Variants in ARB2A observed in about 807,000 individuals in gnomAD.
ARB2A encodes cotranscriptional regulator ARB2A.
chr5:93,989,229 T>C, the ARB2A span, among the ~76,000 whole-genome samples: 6 of 152,162 alleles, frequency 3.9e-5, no homozygotes, highest in Non-Finnish European at 7.4e-5. Flanking sequence ...AAACCAATTA[T>C]ATTGGAATAA....
the ARB2A span, among the ~76,000 whole-genome samples, chr5:93,937,488 T>C: frequency 4.0e-5 from 6 of 151,438 alleles, no homozygotes; most frequent in African/African-American, 1.5e-4. Flanking sequence ...GGCATGCACC[T>C]GTAGTCCCAG....
At chr5:93,872,111 G>A in the ARB2A span, among the ~76,000 whole-genome samples, 1 of 151,866 alleles carries the variant, frequency 6.6e-6, no homozygotes, top group Non-Finnish European at 1.5e-5. Flanking sequence ...ACCATGCCCG[G>A]CTATTTTTGT....
the ARB2A span, among the ~76,000 whole-genome samples, chr5:94,048,189 G>C: frequency 6.6e-6 from 1 of 150,962 alleles, no homozygotes; most frequent in East Asian, 2.0e-4. Context: ...TGAGTAGCTG[G>C]GATTACAGGG....
At chr5:93,701,822 G>T in the ARB2A span, among the ~76,000 whole-genome samples, 50 of 152,164 alleles carry the variant, frequency 3.3e-4, no homozygotes, top group African/African-American at 1.1e-3. Flanking sequence ...TATTTTACTG[G>T]CTTAAAGCAT....
chr5:93,726,161 A>G, the ARB2A span, among the ~76,000 whole-genome samples: 1 of 152,106 alleles, frequency 6.6e-6, no homozygotes, highest in South Asian at 2.1e-4. Flanking sequence ...TCTCTGTATC[A>G]GAAACCTGAG....
At chr5:93,779,128 C>CGT in the ARB2A span, among the ~76,000 whole-genome samples, 3 of 121,888 alleles carry the variant, frequency 2.5e-5, no homozygotes, top group African/African-American at 1.1e-4. Context: ...TGTGTGTGCG[C>CGT]GCGCGCGCGC....
At chr5:93,994,327 T>C in the ARB2A span, among the ~76,000 whole-genome samples, 1 of 152,158 alleles carries the variant, frequency 6.6e-6, no homozygotes, top group Non-Finnish European at 1.5e-5. Context: ...TGAAATAGTT[T>C]TCAACCTTAA....
the ARB2A span, chr5:94,053,074 T>TAGATAGAC: frequency 1.5e-6 from 1 of 667,002 alleles, no homozygotes; most frequent in Admixed American, 3.1e-5. Context: ...GCATATACTA[T>TAGATAGAC]AGATAGATAG....
the ARB2A span, among the ~76,000 whole-genome samples, chr5:94,110,538 G>A: frequency 6.6e-6 from 1 of 152,174 alleles, no homozygotes; most frequent in Admixed American, 6.5e-5. Flanking sequence ...TCTGAAAGAA[G>A]CCTGGTACCA....
At chr5:94,089,730 G>A in the ARB2A span, among the ~76,000 whole-genome samples, 2 of 151,400 alleles carry the variant, frequency 1.3e-5, no homozygotes, top group African/African-American at 4.9e-5. Flanking sequence ...AATAAAGCAA[G>A]TTTAAACGAA....
At chr5:93,989,344 T>G in the ARB2A span, among the ~76,000 whole-genome samples, 1 of 152,310 alleles carries the variant, frequency 6.6e-6, no homozygotes, top group East Asian at 1.9e-4. Flanking sequence ...AGAACATATG[T>G]GATTTCTATC....
the ARB2A span, among the ~76,000 whole-genome samples, chr5:94,009,412 G>A: frequency 6.6e-6 from 1 of 152,004 alleles, no homozygotes; most frequent in African/African-American, 2.4e-5. Context: ...AGTATAAGAA[G>A]TCTGCATAAA....
chr5:93,687,240 G>C, the ARB2A span, among the ~76,000 whole-genome samples: 13 of 152,100 alleles, frequency 8.5e-5, no homozygotes, highest in African/African-American at 2.9e-4. Context: ...AAATTTAATT[G>C]ATTTTTTGCA....
the ARB2A span, among the ~76,000 whole-genome samples, chr5:94,107,842 G>A: frequency 6.6e-6 from 1 of 152,106 alleles, no homozygotes; most frequent in Non-Finnish European, 1.5e-5. Flanking sequence ...GGATTACTCA[G>A]GGCCAACTGT....
At chr5:93,824,474 T>G in the ARB2A span, among the ~76,000 whole-genome samples, 1 of 151,994 alleles carries the variant, frequency 6.6e-6, no homozygotes, top group Non-Finnish European at 1.5e-5. Context: ...AAAATAGAAT[T>G]AAAAGATAAA....
At chr5:94,053,325 A>T in the ARB2A span, 1 of 667,826 alleles carries the variant, frequency 1.5e-6, no homozygotes, top group African/African-American at 1.9e-5. Flanking sequence ...TTGTTCTATT[A>T]ATTTTTATGT....
At chr5:94,050,969 T>A in the ARB2A span, 1 of 622,980 alleles carries the variant, frequency 1.6e-6, no homozygotes, top group African/African-American at 1.9e-5. Context: ...ATTTTTTTCT[T>A]CAGATGTCAC....
the ARB2A span, among the ~76,000 whole-genome samples, chr5:93,635,657 C>T: frequency 6.6e-6 from 1 of 152,048 alleles, no homozygotes; most frequent in East Asian, 1.9e-4. Flanking sequence ...CCAGGCTGGT[C>T]TCGAGCTCCT....
chr5:93,970,078 A>G, the ARB2A span, among the ~76,000 whole-genome samples: 34 of 152,304 alleles, frequency 2.2e-4, no homozygotes, highest in Admixed American at 2.0e-3. Flanking sequence ...AAATTTCTCA[A>G]TAGTAACAAG....
Sources: gnomAD v4.1 joint callset for allele counts (sites outside exome capture counted in the v4.1 genomes callset) on GRCh38, gnomAD v4.1.1 for gene constraint, MANE v1.5 for transcripts, NCBI Gene and HGNC (gene_info 2026-07-23, HGNC 2026-07-21) for gene names.